The following PTPRD variants were observed in gnomAD, a reference collection of about 807,000 sequenced individuals.
The protein encoded by PTPRD is protein tyrosine phosphatase receptor type D, also known as receptor-type tyrosine-protein phosphatase delta.
In PTPRD, 34 loss-of-function variants were observed where a neutral mutation model predicts 214.5. That is an observed-to-expected ratio of 0.16 (90% CI 0.12 to 0.21). PTPRD has a LOEUF of 0.21. Ranked by LOEUF, PTPRD falls within the 10% of genes least tolerant of loss-of-function variation. The pLI, the probability that PTPRD is intolerant of heterozygous loss-of-function variation, is 1.00. For synonymous variants in PTPRD, 1,128 were observed against 845.7 expected (o/e 1.33, Z -5.79); for missense variants, 2,545 against 2,398.7 (o/e 1.06, Z -1.27).
intron 4 of PTPRD, among the ~76,000 whole-genome samples, chr9:9,970,625 A>T (rs564322187): frequency 2.0e-5 from 3 of 152,164 alleles, no homozygotes; most frequent in Non-Finnish European, 2.9e-5. Flanking sequence ...ATTTGTATGG[A>T]TCTGTCAAAC....
At chr9:8,577,235 AT>A (rs1430112460) in intron 14 of PTPRD, among the ~76,000 whole-genome samples, 6 of 150,568 alleles carry the variant, frequency 4.0e-5, no homozygotes, top group Non-Finnish European at 8.9e-5. Context: ...TTTATTTTTT[AT>A]TTGTTTGTTT....
At chr9:8,974,624 A>G (rs974572849) in intron 11 of PTPRD, among the ~76,000 whole-genome samples, 3 of 152,034 alleles carry the variant, frequency 2.0e-5, no homozygotes, top group Non-Finnish European at 2.9e-5. Flanking sequence ...GATTATCTGA[A>G]TTGACCATGT....
intron 8 of PTPRD, among the ~76,000 whole-genome samples, chr9:9,503,112 G>A (rs1590049100): frequency 6.6e-6 from 1 of 151,588 alleles, no homozygotes; most frequent in East Asian, 1.9e-4. Flanking sequence ...AAATAAATAA[G>A]GTCAAAGAAG....
chr9:8,843,232 C>T (rs1040605913), intron 11 of PTPRD, among the ~76,000 whole-genome samples: 1 of 152,200 alleles, frequency 6.6e-6, no homozygotes, highest in Non-Finnish European at 1.5e-5. Flanking sequence ...AAGTGTACTT[C>T]ACATCGGGCT....
At chr9:10,263,577 G>C (rs1391699143) in intron 3 of PTPRD, among the ~76,000 whole-genome samples, 1 of 152,124 alleles carries the variant, frequency 6.6e-6, no homozygotes, top group Non-Finnish European at 1.5e-5. Flanking sequence ...ACTTGAGAGA[G>C]ATGATTTAAG....
At chr9:10,010,695 A>G (rs1190233855) in intron 4 of PTPRD, among the ~76,000 whole-genome samples, 1 of 151,996 alleles carries the variant, frequency 6.6e-6, no homozygotes, top group Non-Finnish European at 1.5e-5. Context: ...AAATAGAGAT[A>G]TTTTGAGAAA....
intron 5 of PTPRD, among the ~76,000 whole-genome samples, chr9:9,811,562 C>T (rs1199628577): frequency 2.0e-5 from 3 of 152,006 alleles, no homozygotes; most frequent in Non-Finnish European, 4.4e-5. Flanking sequence ...AAAAAATTAG[C>T]CAGGTGTGGT....
intron 2 of PTPRD, among the ~76,000 whole-genome samples, chr9:10,441,337 C>T (rs916882728): frequency 6.6e-6 from 1 of 151,688 alleles, no homozygotes; most frequent in Non-Finnish European, 1.5e-5. Context: ...ACTTCCTTTA[C>T]TCTTTCCTAT....
At chr9:10,250,416 T>C (rs946808297) in intron 3 of PTPRD, among the ~76,000 whole-genome samples, 2 of 152,106 alleles carry the variant, frequency 1.3e-5, no homozygotes, top group Admixed American at 6.5e-5. Context: ...GAACCAAATT[T>C]CGCAATGTCA....
chr9:9,739,820 CATATATAT>C (rs34275197), intron 6 of PTPRD, among the ~76,000 whole-genome samples: 1 of 150,442 alleles, frequency 6.6e-6, no homozygotes, highest in African/African-American at 2.4e-5. Context: ...TTTTTCTCTA[CATATATAT>C]ATATATGTGT....
intron 11 of PTPRD, among the ~76,000 whole-genome samples, chr9:8,891,513 C>A (rs1341520617): frequency 6.6e-6 from 1 of 151,202 alleles, no homozygotes; most frequent in Non-Finnish European, 1.5e-5. Flanking sequence ...AATGCTAATA[C>A]ATTAAAGAGC....
intron 10 of PTPRD, among the ~76,000 whole-genome samples, chr9:9,154,989 T>C (rs750873822): frequency 2.6e-5 from 4 of 152,202 alleles, no homozygotes; most frequent in African/African-American, 4.8e-5. Context: ...ATGAGATTCA[T>C]AGGTTTTCTT....
intron 3 of PTPRD, among the ~76,000 whole-genome samples, chr9:10,296,495 T>G (rs2095678261): frequency 6.6e-6 from 1 of 152,118 alleles, no homozygotes; most frequent in African/African-American, 2.4e-5. Context: ...ATTTCTTCTC[T>G]GCTATATAAA....
intron 9 of PTPRD, among the ~76,000 whole-genome samples, chr9:9,288,263 A>T (rs1950115402): frequency 6.6e-6 from 1 of 151,876 alleles, no homozygotes; most frequent in African/African-American, 2.4e-5. Context: ...GAACATATTT[A>T]TTCAGTATAT....
At chr9:8,564,083 T>C (rs1022750873) in intron 14 of PTPRD, among the ~76,000 whole-genome samples, 1 of 152,232 alleles carries the variant, frequency 6.6e-6, no homozygotes, top group African/African-American at 2.4e-5. Flanking sequence ...CGATACTCTC[T>C]GGTGATGCTG....
At chr9:9,905,331 T>C (rs559621885) in intron 5 of PTPRD, among the ~76,000 whole-genome samples, 2 of 151,962 alleles carry the variant, frequency 1.3e-5, no homozygotes, top group Non-Finnish European at 2.9e-5. Flanking sequence ...GAGTTTTAAA[T>C]AATTAGCTCA....
chr9:9,775,143 C>CAGT (rs2098787106), intron 5 of PTPRD, among the ~76,000 whole-genome samples: 1 of 152,164 alleles, frequency 6.6e-6, no homozygotes, highest in Admixed American at 6.5e-5. Context: ...ATCTGTCACC[C>CAGT]CACAAGTTCA....
chr9:9,756,480 C>T (rs990022829), intron 6 of PTPRD, among the ~76,000 whole-genome samples: 1 of 152,028 alleles, frequency 6.6e-6, no homozygotes, highest in Admixed American at 6.6e-5. Flanking sequence ...AAAGCCATTT[C>T]TATCTATATA....
intron 7 of PTPRD, among the ~76,000 whole-genome samples, chr9:9,702,678 G>T (rs2097527517): frequency 6.6e-6 from 1 of 152,170 alleles, no homozygotes; most frequent in South Asian, 2.1e-4. Context: ...ACTGCTTATG[G>T]AGGAAAAGTG....
Sources: gnomAD v4.1 joint callset for allele counts (sites outside exome capture counted in the v4.1 genomes callset) on GRCh38, gnomAD v4.1.1 for gene constraint, MANE v1.5 for transcripts, NCBI Gene and HGNC (gene_info 2026-07-23, HGNC 2026-07-21) for gene names.